Variants in STON1 observed in about 807,000 individuals in gnomAD.
STON1 encodes stonin-1.
Under a neutral mutation model 60.9 loss-of-function variants are expected in STON1, and 79 were observed. That is an observed-to-expected ratio of 1.30 (90% CI 1.08 to 1.56). STON1 has a LOEUF of 1.56. Ranked by LOEUF, STON1 falls within the 40% of genes most tolerant of loss-of-function variation. The pLI is 0.00. For synonymous variants in STON1, 363 were observed against 306.9 expected (o/e 1.18, Z -1.91); for missense variants, 1,166 against 858.9 (o/e 1.36, Z -4.47).
intron 1 of STON1, among the ~76,000 whole-genome samples, chr2:48,566,396 G>T (rs914923127): frequency 1.3e-5 from 2 of 150,074 alleles, no homozygotes; most frequent in Non-Finnish European, 3.0e-5. Context: ...GGCTGGTCTC[G>T]ATCTTCTGAC....
intron 1 of STON1, chr2:48,530,421 C>T: frequency 4.4e-6 from 1 of 225,332 alleles, no homozygotes; most frequent in Non-Finnish European, 8.7e-6. Context: ...GGCCTCCCGG[C>T]AGGGACTCCT....
chr2:48,580,741 A>T lies in STON1; in HGVS notation c.108A>T (p.Arg36Ser). ...NFPLENQGVC[R>S]PNGLKLNLPG... ...CTCTGGAGAATCAAGGTGTCTGTAGACCAAATGGACTGAAGCTGAACCTTC... is the reference window on the plus strand; with the variant it reads ...CTCTGGAGAATCAAGGTGTCTGTAGTCCAAATGGACTGAAGCTGAACCTTC... Residue 36 changes from arginine to serine, a missense_variant, in exon 2 of 4, where the codon AGA (arginine) becomes AGT (serine). By Grantham distance (110) the Arg-to-Ser change is moderately radical. Transcript: ENST00000404752. The T allele has an allele frequency of 6.5e-7, 1 of 1,539,984 alleles. No homozygotes were observed. The highest frequency in any genetic ancestry group is 2.4e-5 in the East Asian group (1 of 42,278).
intron 1 of STON1, among the ~76,000 whole-genome samples, chr2:48,568,217 T>G (rs572841098): frequency 6.6e-6 from 1 of 152,008 alleles, no homozygotes; most frequent in South Asian, 2.1e-4. Context: ...TTGGCATCAG[T>G]CCTCCCCCAA....
chr2:48,588,193 G>A (rs916246999), intron 2 of STON1, among the ~76,000 whole-genome samples: 3 of 152,202 alleles, frequency 2.0e-5, no homozygotes, highest in Non-Finnish European at 2.9e-5. Context: ...TGACGCCAAT[G>A]CATCTGGCCC....
chr2:48,564,480 T>TTCCTCCTTCTTC (rs1558604783), intron 1 of STON1, among the ~76,000 whole-genome samples: 1 of 32,480 alleles, frequency 3.1e-5, no homozygotes, highest in African/African-American at 1.2e-4. Context: ...CTTCTTCTTC[T>TTCCTCCTTCTTC]TTCTTCTTCT....
At chr2:48,589,120 T>A (rs1390836172) in intron 2 of STON1, among the ~76,000 whole-genome samples, 1 of 152,108 alleles carries the variant, frequency 6.6e-6, no homozygotes, top group Non-Finnish European at 1.5e-5. Context: ...CTTCCCAATT[T>A]TTCGACTTTT....
chr2:48,584,816 G>GC (rs1674111317), intron 2 of STON1, among the ~76,000 whole-genome samples: 1 of 152,116 alleles, frequency 6.6e-6, no homozygotes, highest in Non-Finnish European at 1.5e-5. Context: ...GGGCAGCACT[G>GC]CCCGTACCCT....
rs1229931316 is a variant in STON1 at position 48,581,793 on chromosome 2, T to A, written c.1160T>A (p.Leu387His). ...KLGSTSYHDF[L>H]DFLTTVEEEL... ...GGGTCCACATCGTACCATGACTTCC[T>A]TGACTTTCTGACTACTGTGGAGGAG... Residue 387 changes from leucine (L) to histidine (H), a missense_variant, in exon 2 of 4, where the codon CTT becomes CAT. Transcript: ENST00000404752. 3.1e-6 allele frequency: 5 copies of A among 1,614,194 alleles called. No individual in the cohort carries two copies. The East Asian group carries it at 1.1e-4, about 36-fold the overall frequency.
At chr2:48,570,070 C>G (rs1673123045) in intron 1 of STON1, among the ~76,000 whole-genome samples, 1 of 152,216 alleles carries the variant, frequency 6.6e-6, no homozygotes, top group Non-Finnish European at 1.5e-5. Flanking sequence ...CATGGTGGCT[C>G]ATGCCTGTAA....
At chr2:48,564,465 T>TCCTCC (rs1558604434) in intron 1 of STON1, among the ~76,000 whole-genome samples, 1 of 55,606 alleles carries the variant, frequency 1.8e-5, no homozygotes, top group African/African-American at 6.9e-5. Context: ...CTTCTTCTTC[T>TCCTCC]TCTTCTTCTT....
intron 1 of STON1, among the ~76,000 whole-genome samples, chr2:48,561,503 A>G (rs1404712956): frequency 6.6e-6 from 1 of 152,200 alleles, no homozygotes; most frequent in Admixed American, 6.5e-5. Flanking sequence ...CCTCTGATTC[A>G]TTATCTACGA....
At chr2:48,564,477 TTCTTTCTTCTTCTTC>T (rs1672783182) in intron 1 of STON1, among the ~76,000 whole-genome samples, 2 of 48,724 alleles carry the variant, frequency 4.1e-5, no homozygotes, top group African/African-American at 8.0e-5. Context: ...CTTCTTCTTC[TTCTTTCTTCTTCTTC>T]TTCTTCTTCT....
At chr2:48,533,805 C>T (rs1186702753) in intron 1 of STON1, among the ~76,000 whole-genome samples, 5 of 134,090 alleles carry the variant, frequency 3.7e-5, no homozygotes, top group South Asian at 2.5e-4. Context: ...GTTTTGCTCT[C>T]GTTGCCCAGG....
chr2:48,578,659 G>C (rs973264505), intron 1 of STON1, among the ~76,000 whole-genome samples: 1 of 134,240 alleles, frequency 7.4e-6, no homozygotes, highest in Admixed American at 8.5e-5. Flanking sequence ...TGCAATCTCA[G>C]CTCACTGCAA....
chr2:48,563,296 A>G (rs575299874), intron 1 of STON1, among the ~76,000 whole-genome samples: 1 of 152,310 alleles, frequency 6.6e-6, no homozygotes, highest in South Asian at 2.1e-4. Flanking sequence ...TGCCCAGAGG[A>G]TGCTCTGGGG....
At chr2:48,540,567 A>T (rs1671611866) in intron 1 of STON1, among the ~76,000 whole-genome samples, 1 of 151,988 alleles carries the variant, frequency 6.6e-6, no homozygotes. Context: ...CCCTTTCCTC[A>T]TACTGCCCTA....
At chr2:48,542,633 G>A (rs1671699512) in intron 1 of STON1, among the ~76,000 whole-genome samples, 1 of 152,184 alleles carries the variant, frequency 6.6e-6, no homozygotes, top group South Asian at 2.1e-4. Flanking sequence ...GGCTAGGCAT[G>A]GTGGCTCAAG....
In STON1 at chr2:48,581,438, A is replaced by G; in HGVS notation, c.805A>G (p.Arg269Gly). 6.2e-7 allele frequency: 1 copy of G among 1,614,162 alleles called. No individual in the cohort carries two copies. Among genetic ancestry groups the G allele is most frequent in the Non-Finnish European group, 8.5e-7 (1 of 1,179,992 alleles). ...TTCCTTTGTCCCCCACACACTCTTC[A>G]GGAGTCAGCCAAAATCCGGATGGTC... Reference protein sequence around the residue: ...ASSFVPHTLFRSQPKSGWSFM... With the variant: ...ASSFVPHTLFGSQPKSGWSFM... Residue 269 changes from arginine (R) to glycine (G), a missense_variant, in exon 2 of 4, where the codon AGG becomes GGG. Coordinates refer to ENST00000404752, the MANE Select transcript of STON1 (RefSeq NM_006873.4).
chr2:48,587,594 C>A (rs912432742), intron 2 of STON1, among the ~76,000 whole-genome samples: 1 of 152,156 alleles, frequency 6.6e-6, no homozygotes, highest in Non-Finnish European at 1.5e-5. Context: ...TCCGGCCTCC[C>A]ATGAGTATTT....
Sources: allele counts gnomAD v4.1 joint callset (sites outside exome capture counted in the v4.1 genomes callset), GRCh38; gene constraint gnomAD v4.1.1; transcripts MANE v1.5; gene names NCBI Gene and HGNC (gene_info 2026-07-23, HGNC 2026-07-21).